GALNT7: variants seen among roughly 807,000 people sequenced by gnomAD.
GALNT7 encodes the protein polypeptide N-acetylgalactosaminyltransferase 7.
Under a neutral mutation model 82.1 loss-of-function variants are expected in GALNT7, and 60 were observed. The observed-to-expected ratio is 0.73, with a 90% CI of 0.59 to 0.91. The LOEUF (loss-of-function observed/expected upper bound fraction) is 0.91. Ranked by LOEUF, GALNT7 falls within the 40% of genes least tolerant of loss-of-function variation. The probability of loss-of-function intolerance (pLI) is 0.00; values close to 1 mark genes in which losing one functional copy is unlikely to be tolerated. For synonymous variants in GALNT7, 243 were observed against 275.1 expected (o/e 0.88, Z 1.15); for missense variants, 660 against 804.2 (o/e 0.82, Z 2.17).
chr4:173,252,645 T>C (rs376836316), intron 2 of GALNT7, among the ~76,000 whole-genome samples: 31 of 152,344 alleles, frequency 2.0e-4, no homozygotes, highest in African/African-American at 7.2e-4. Context: ...CTGCTTCTTT[T>C]TTAAAGACTT....
chr4:173,186,199 T>C (rs1466547730), intron 1 of GALNT7, among the ~76,000 whole-genome samples: 1 of 152,242 alleles, frequency 6.6e-6, no homozygotes, highest in Non-Finnish European at 1.5e-5. Context: ...GAATACTAAA[T>C]GTTCTAGAGA....
intron 2 of GALNT7, chr4:173,282,479 G>A (rs554360674): frequency 2.0e-4 from 31 of 152,254 alleles, no homozygotes; most frequent in African/African-American, 7.2e-4. Context: ...CTGTAAGTTT[G>A]CCCCAACTGA....
intron 1 of GALNT7, among the ~76,000 whole-genome samples, chr4:173,170,515 A>G (rs571483841): frequency 8.5e-5 from 13 of 152,184 alleles, no homozygotes; most frequent in Non-Finnish European, 1.8e-4. Flanking sequence ...TCCCTTTGTA[A>G]TATCTGGGAT....
chr4:173,303,300 G>A (rs1163904273), intron 7 of GALNT7, among the ~76,000 whole-genome samples: 1 of 152,184 alleles, frequency 6.6e-6, no homozygotes. Context: ...ATGGGAGGGG[G>A]ACTTCTAAGC....
chr4:173,191,356 C>T (rs1363441429), intron 1 of GALNT7, among the ~76,000 whole-genome samples: 4 of 152,136 alleles, frequency 2.6e-5, no homozygotes, highest in African/African-American at 9.7e-5. Context: ...TGCCTTTAAG[C>T]AGCGAGCAAA....
intron 1 of GALNT7, among the ~76,000 whole-genome samples, chr4:173,222,163 G>A (rs1453064168): frequency 1.3e-5 from 2 of 152,190 alleles, no homozygotes; most frequent in African/African-American, 4.8e-5. Flanking sequence ...ACCTTTGTGT[G>A]AGTGGGGGCA....
intron 1 of GALNT7, among the ~76,000 whole-genome samples, chr4:173,197,562 C>A (rs1167396573): frequency 6.7e-6 from 1 of 149,248 alleles, no homozygotes; most frequent in East Asian, 2.0e-4. Flanking sequence ...TGTGTAGATT[C>A]CGTAGTACCT....
rs1315991437 is a variant in GALNT7 at position 173,302,201 on chromosome 4, C to T, written c.1266+37C>T. 4 of 918,748 alleles carry T rather than the reference C, an allele frequency of 4.4e-6. No homozygotes were observed. Among genetic ancestry groups the T allele is most frequent in the African/African-American group, 3.3e-5 (2 of 61,328 alleles). The allele number at this position is 918,748 out of a possible 1,614,324, so 56.9% of individuals were successfully genotyped here. On this transcript the variant is annotated intron_variant, in intron 7 of 11. Coordinates refer to ENST00000265000, the MANE Select transcript of GALNT7 (RefSeq NM_017423.3). This position sits in a 1 kb window ranked among gnomAD's most constrained non-coding sequence, Gnocchi z 4.2. Reference sequence around the variant, plus strand: ...TTTCAACAGATGGAATTCTCCAAGTCGTTACTAACTTCTGTGGCTTTCAGA... The same window carrying T: ...TTTCAACAGATGGAATTCTCCAAGTTGTTACTAACTTCTGTGGCTTTCAGA...
chr4:173,193,191 C>T (rs1579897750), intron 1 of GALNT7, among the ~76,000 whole-genome samples: 2 of 152,314 alleles, frequency 1.3e-5, no homozygotes, highest in African/African-American at 4.8e-5. Flanking sequence ...TACCATGAGA[C>T]GTGCCTGTTC....
chr4:173,319,099 T>C lies in GALNT7; in HGVS notation c.1836+540T>C, dbSNP rs140587822. On this transcript the variant is annotated intron_variant, in intron 11 of 11. Transcript: ENST00000265000. ...TGCTTACTTTAATGGTCAAATTTAG[T>C]TATTCACGTGACACTGCTGGGGTAG... Among the ~76,000 whole-genome samples, 14 of 152,242 alleles carry C rather than the reference T, an allele frequency of 9.2e-5. No individual in the cohort carries two copies. The East Asian group carries it at 2.5e-3, about 27-fold the overall frequency.
At chr4:173,224,164 C>T (rs913009827) in intron 1 of GALNT7, among the ~76,000 whole-genome samples, 2 of 152,150 alleles carry the variant, frequency 1.3e-5, no homozygotes, top group African/African-American at 4.8e-5. Flanking sequence ...GATTAGCTGG[C>T]CTTCTTCTGT....
intron 1 of GALNT7, among the ~76,000 whole-genome samples, chr4:173,242,719 A>G (rs1734478626): frequency 1.3e-5 from 2 of 152,274 alleles, no homozygotes; most frequent in East Asian, 1.9e-4. Flanking sequence ...TGCACTCCAC[A>G]TTCCCACCCA....
Position 173,277,552 on chromosome 4 carries a change from C to T in GALNT7, c.588-14556C>T, listed in dbSNP as rs142802768. Among the ~76,000 whole-genome samples, 16 of 152,200 alleles carry T rather than the reference C, an allele frequency of 1.1e-4. No homozygotes were observed. The East Asian group carries it at 1.2e-3, about 11-fold the overall frequency. On this transcript the variant is annotated intron_variant, in intron 2 of 11. Transcript: ENST00000265000. ...GTCCATTTTGATGGCCTAGGGATGA[C>T]GTCACATGGTTGCTTTTTCTTGGGA...
intron 2 of GALNT7, among the ~76,000 whole-genome samples, chr4:173,256,502 A>G (rs28651471): frequency 0.16 from 24,205 of 151,538 alleles, 4,707 homozygotes; most frequent in African/African-American, 0.47. Flanking sequence ...TGGTCTGGTC[A>G]TTGTCCCTAT....
At chr4:173,297,625 G>A (rs551487434) in intron 5 of GALNT7, among the ~76,000 whole-genome samples, 18 of 152,288 alleles carry the variant, frequency 1.2e-4, no homozygotes, top group South Asian at 6.2e-4. Flanking sequence ...CTGCCCTTAC[G>A]TAAACAGGCT....
At chr4:173,236,727 A>G (rs925126868) in intron 1 of GALNT7, among the ~76,000 whole-genome samples, 1 of 152,186 alleles carries the variant, frequency 6.6e-6, no homozygotes, top group Non-Finnish European at 1.5e-5. Context: ...TATTTTCAAA[A>G]CGCAGATCAG....
chr4:173,268,204 C>CA lies in GALNT7; in HGVS notation c.587+19769dup, dbSNP rs200048929. On this transcript the variant is annotated intron_variant, in intron 2 of 11. Coordinates refer to ENST00000265000, the MANE Select transcript of GALNT7 (RefSeq NM_017423.3). The stretch of plus-strand genomic sequence containing the variant: ...CGTGGTTTTTGCAATTTTTTAATGA[C>CA]AAAAACCACAATTACTTTTGCACCA... 548 of 154,558 alleles carry CA rather than the reference C, an allele frequency of 3.5e-3. 3 individuals are homozygous for CA. Among genetic ancestry groups the CA allele is most frequent in the East Asian group, 0.015 (79 of 5,132 alleles). 9.6% of individuals were successfully genotyped at this position (154,558 alleles called of 1,614,324 possible).
At chr4:173,297,970 C>T (rs1415165494) in intron 5 of GALNT7, 145 bp from the exon 6 acceptor site, 3 of 1,482,006 alleles carry the variant, frequency 2.0e-6, no homozygotes, top group Non-Finnish European at 2.7e-6. Context: ...TAAAACTGAA[C>T]CTTATCGGTA....
chr4:173,189,994 GT>G (rs60870608), intron 1 of GALNT7, among the ~76,000 whole-genome samples: 3,855 of 146,370 alleles, frequency 0.026, 132 homozygotes, highest in Admixed American at 0.072. Flanking sequence ...CAAAATGTTA[GT>G]TTTTTTTTTT....
Sources: allele counts gnomAD v4.1 joint callset (sites outside exome capture counted in the v4.1 genomes callset), GRCh38; gene constraint gnomAD v4.1.1; non-coding constraint Gnocchi (gnomAD v3.1); transcripts MANE v1.5; gene names NCBI Gene and HGNC (gene_info 2026-07-23, HGNC 2026-07-21).